SYNE1: variants seen among roughly 807,000 people sequenced by gnomAD.
The protein encoded by SYNE1 is nesprin-1.
A neutral mutation model predicts 1,111.0 loss-of-function variants in SYNE1; 616 were observed. The ratio of observed to expected loss-of-function variants is 0.55; its 90% CI spans 0.52 to 0.59. The LOEUF (loss-of-function observed/expected upper bound fraction) is 0.59, where lower values mean the gene tolerates loss of function less well. Ranked by LOEUF, SYNE1 falls within the 20% of genes least tolerant of loss-of-function variation. The pLI is 0.00. For missense variants in SYNE1, 10,006 were observed against 10,417.0 expected (o/e 0.96, Z 1.72); for synonymous variants, 3,855 against 3,825.8 (o/e 1.01, Z -0.28).
intron 34 of SYNE1, 23 bp from the exon 35 acceptor site, chr6:152,430,732 TGAC>T: frequency 1.2e-6 from 2 of 1,606,844 alleles, no homozygotes; most frequent in Non-Finnish European, 1.7e-6. Context: ...ACAAGAAAAA[TGAC>T]AATGTAGGCT....
chr6:152,571,567 C>T (rs944159465), intron 3 of SYNE1, among the ~76,000 whole-genome samples: 7 of 151,834 alleles, frequency 4.6e-5, no homozygotes, highest in Admixed American at 3.9e-4. Flanking sequence ...ATACTTTTTA[C>T]CCTAAAAAAA....
chr6:152,122,717 T>C, intron 145 of SYNE1, 41 bp from the exon 146 acceptor site: 2 of 1,612,368 alleles, frequency 1.2e-6, no homozygotes, highest in Non-Finnish European at 1.7e-6. Flanking sequence ...ATAACTCCAG[T>C]GTCGGAGGGA....
At chr6:152,423,010 T>A (rs749234766) in intron 39 of SYNE1, among the ~76,000 whole-genome samples, 1 of 152,220 alleles carries the variant, frequency 6.6e-6, no homozygotes, top group Non-Finnish European at 1.5e-5. Context: ...TGTAGATCTG[T>A]AGAGAATCTG....
intron 145 of SYNE1, chr6:152,125,313 A>G (rs2053005034): frequency 6.5e-7 from 1 of 1,550,268 alleles, no homozygotes; most frequent in Admixed American, 2.0e-5. Flanking sequence ...CTTGCATCCT[A>G]AAATATTTGG....
chr6:152,367,498 G>T, intron 61 of SYNE1, 116 bp from the exon 62 acceptor site: 1 of 1,199,806 alleles, frequency 8.3e-7, no homozygotes, highest in Non-Finnish European at 1.2e-6. Flanking sequence ...GCACAGATAC[G>T]AGGCAAGTCT....
chr6:152,505,846 A>G lies in SYNE1; in HGVS notation c.582-449T>C, dbSNP rs189886260. On this transcript the variant is annotated intron_variant, in intron 8 of 145. Coordinates refer to ENST00000367255, the MANE Select transcript of SYNE1 (RefSeq NM_182961.4). ...CTGTAAATTTTTGTAGAAAGAGCTAACACGTTTCTAATGGGAAGCAGCACT... is the reference window on the plus strand; with the variant it reads ...CTGTAAATTTTTGTAGAAAGAGCTAGCACGTTTCTAATGGGAAGCAGCACT... Among the ~76,000 whole-genome samples the G allele has an allele frequency of 3.1e-3, 469 of 152,352 alleles. 5 individuals carry two copies. Among genetic ancestry groups the G allele is most frequent in the African/African-American group, 9.8e-3 (409 of 41,586 alleles).
chr6:152,164,241 G>A lies in SYNE1; in HGVS notation c.23712C>T (p.Ile7904=), dbSNP rs753346642. ...MSSLRTWLAH[I]ESELAKPIVY... is the part of the protein sequence containing the mutation. ...CTATTGGCTTGGCCAGCTCTGACTCGATGTGAGCGAGCCAGGTCCTCAGGC... is the reference window on the plus strand; with the variant it reads ...CTATTGGCTTGGCCAGCTCTGACTCAATGTGAGCGAGCCAGGTCCTCAGGC... Residue 7904 remains isoleucine (I), a synonymous_variant, in exon 131 of 146, where the codon ATC becomes ATT. Transcript: ENST00000367255. The A allele has an allele frequency of 3.1e-6, 5 of 1,614,114 alleles. No individual in the cohort carries two copies. Among genetic ancestry groups the A allele is most frequent in the Non-Finnish European group, 2.5e-6 (3 of 1,180,030 alleles).
At chr6:152,405,872 G>A (rs534013988) in intron 45 of SYNE1, among the ~76,000 whole-genome samples, 14 of 152,190 alleles carry the variant, frequency 9.2e-5, no homozygotes, top group Admixed American at 3.9e-4. Context: ...AAATAAGTTA[G>A]GTAATGCAAT....
chr6:152,148,492 A>G lies in SYNE1; in HGVS notation c.24643-114T>C. On this transcript the variant is annotated intron_variant, in intron 136 of 145. Coordinates refer to ENST00000367255, the MANE Select transcript of SYNE1 (RefSeq NM_182961.4). The surrounding 1 kb of genome is among the most constrained non-coding windows in gnomAD (Gnocchi z 4.1). ...TTAACTTCTTATGAGCAAATAAATAAGAATCTTCTGATCACAGAAATACAG... is the reference window on the plus strand; with the variant it reads ...TTAACTTCTTATGAGCAAATAAATAGGAATCTTCTGATCACAGAAATACAG... 6 of 900,062 alleles carry G rather than the reference A, an allele frequency of 6.7e-6. No homozygotes were observed. The highest frequency in any genetic ancestry group is 1.1e-5 in the Non-Finnish European group (6 of 570,436). The allele number at this position is 900,062 out of a possible 1,614,324, so 55.8% of individuals were successfully genotyped here. A position where few individuals can be genotyped will look rare whatever the true frequency, so the allele number is the denominator to read the frequency against.
chr6:152,339,945 C>T (rs536140294), intron 74 of SYNE1, among the ~76,000 whole-genome samples: 3 of 152,340 alleles, frequency 2.0e-5, no homozygotes, highest in South Asian at 2.1e-4. Context: ...TCTACTCAGG[C>T]TCCATTTTAG....
At chr6:152,327,438 A>T (rs1025881337) in intron 78 of SYNE1, among the ~76,000 whole-genome samples, 1 of 152,210 alleles carries the variant, frequency 6.6e-6, no homozygotes, top group African/African-American at 2.4e-5. Flanking sequence ...ACTAAAATAG[A>T]AAAGTTGAAA....
chr6:152,597,615 G>A (rs1311620021), intron 3 of SYNE1, among the ~76,000 whole-genome samples: 1 of 152,122 alleles, frequency 6.6e-6, no homozygotes, highest in Non-Finnish European at 1.5e-5. Context: ...TATCTGCTGT[G>A]TTCAGAATGA....
At chr6:152,384,483 A>G (rs1033835548) in intron 55 of SYNE1, among the ~76,000 whole-genome samples, 1 of 152,170 alleles carries the variant, frequency 6.6e-6, no homozygotes, top group Non-Finnish European at 1.5e-5. Context: ...AATAACACAC[A>G]AAAAAAGGAC....
At chr6:152,567,842 A>G (rs141421974) in intron 3 of SYNE1, among the ~76,000 whole-genome samples, 33 of 152,350 alleles carry the variant, frequency 2.2e-4, no homozygotes, top group African/African-American at 6.3e-4. Context: ...CCTATCAAAT[A>G]TTAAAAATAA....
chr6:152,290,805 T>C (rs1356326978), intron 95 of SYNE1, among the ~76,000 whole-genome samples: 2 of 152,018 alleles, frequency 1.3e-5, no homozygotes, highest in Non-Finnish European at 2.9e-5. Flanking sequence ...AATTTAGAAA[T>C]AGTAATTCTA....
intron 63 of SYNE1, among the ~76,000 whole-genome samples, chr6:152,363,422 A>G (rs1273245718): frequency 3.3e-5 from 5 of 150,758 alleles, no homozygotes; most frequent in Non-Finnish European, 7.4e-5. Context: ...TGAACCCGGG[A>G]GGCGGAGCTC....
At position 152,323,470 on chromosome 6, in the gene SYNE1, T is replaced by C; in HGVS notation, c.15917+8A>G. The C allele has an allele frequency of 6.2e-7, 1 of 1,612,410 alleles. No homozygotes were observed. Among genetic ancestry groups the C allele is most frequent in the Non-Finnish European group, 8.5e-7 (1 of 1,180,000 alleles). On this transcript the variant is annotated splice_region_variant and intron_variant, in intron 82 of 145. Transcript: ENST00000367255. ...CAAACAAAAGAATGAAAGTAGGTGCTTAATTACTTCAGGCACCGATCTTGC... is the reference window on the plus strand; with the variant it reads ...CAAACAAAAGAATGAAAGTAGGTGCCTAATTACTTCAGGCACCGATCTTGC...
At chr6:152,141,806 C>T (rs1397257138) in intron 138 of SYNE1, among the ~76,000 whole-genome samples, 1 of 151,968 alleles carries the variant, frequency 6.6e-6, no homozygotes, top group Non-Finnish European at 1.5e-5. Context: ...CACGGTGGCT[C>T]CTGCCTCTAA....
At chr6:152,304,669 C>G (rs189077784) in intron 91 of SYNE1, among the ~76,000 whole-genome samples, 36 of 152,276 alleles carry the variant, frequency 2.4e-4, no homozygotes, top group African/African-American at 8.4e-4. Flanking sequence ...ATTAGGCCTT[C>G]CACCCTTTGT....
Sources: gnomAD v4.1 joint callset for allele counts (sites outside exome capture counted in the v4.1 genomes callset) on GRCh38, gnomAD v4.1.1 for gene constraint, Gnocchi (gnomAD v3.1) non-coding constraint, MANE v1.5 for transcripts, NCBI Gene and HGNC (gene_info 2026-07-23, HGNC 2026-07-21) for gene names.